Variants in CLNK observed in about 807,000 individuals in gnomAD.
CLNK encodes cytokine dependent hematopoietic cell linker.
In CLNK, 74 loss-of-function variants were observed where a neutral mutation model predicts 68.6. The observed-to-expected ratio is 1.08, with a 90% CI of 0.89 to 1.31. The LOEUF is 1.31. Among genes scored for constraint, CLNK ranks in the 50% most tolerant of loss-of-function variants. CLNK has a pLI of 0.00. For synonymous variants in CLNK, 198 were observed against 172.2 expected (o/e 1.15, Z -1.17); for missense variants, 553 against 515.3 (o/e 1.07, Z -0.71).
the CLNK span, among the ~76,000 whole-genome samples, chr4:10,724,661 G>GT: frequency 2.6e-5 from 4 of 152,176 alleles, no homozygotes; most frequent in African/African-American, 9.7e-5. Flanking sequence ...CAGCTCTTAG[G>GT]AAGAAGAGAG....
intron 2 of CLNK, among the ~76,000 whole-genome samples, chr4:10,613,372 A>C (rs1303114062): frequency 6.6e-6 from 1 of 152,160 alleles, no homozygotes; most frequent in Non-Finnish European, 1.5e-5. Flanking sequence ...GAAAAGTTCA[A>C]AGGCAGGAAT....
chr4:10,584,850 A>G (rs918698178), intron 4 of CLNK, 77 bp downstream of exon 4: 2 of 1,466,760 alleles, frequency 1.4e-6, no homozygotes, highest in African/African-American at 2.8e-5. Flanking sequence ...AATAAAAACA[A>G]AAAAGAATGG....
chr4:10,723,601 G>C, the CLNK span, among the ~76,000 whole-genome samples: 1 of 151,998 alleles, frequency 6.6e-6, no homozygotes, highest in African/African-American at 2.4e-5. Context: ...TGGTATTATG[G>C]GAAATCATTT....
intron 17 of CLNK, among the ~76,000 whole-genome samples, chr4:10,505,749 T>A (rs1045914407): frequency 1.3e-5 from 2 of 152,204 alleles, no homozygotes; most frequent in Non-Finnish European, 2.9e-5. Flanking sequence ...CCCCCCCAGA[T>A]AATGATGCAT....
rs1163922008 is a variant in CLNK at position 10,486,676 on chromosome 4, A to C, written c.*3791T>G. 6.6e-6 allele frequency: 1 copy of C among 152,122 alleles called. No homozygotes were observed. Among genetic ancestry groups the C allele is most frequent in the Admixed American group, 6.6e-5 (1 of 15,244 alleles). The allele number at this position is 152,122 out of a possible 1,614,324, so 9.4% of individuals were successfully genotyped here. A position where few individuals can be genotyped will look rare whatever the true frequency, so the allele number is the denominator to read the frequency against. On this transcript the variant is annotated 3_prime_UTR_variant, in exon 19 of 19. Coordinates refer to ENST00000226951, the MANE Select transcript of CLNK (RefSeq NM_052964.4). Reference sequence around the variant, plus strand: ...GTTACTTAAAAACACACACACACACACGCACACAGGCACAGGCACACACAT... The same window carrying C: ...GTTACTTAAAAACACACACACACACCCGCACACAGGCACAGGCACACACAT...
intron 17 of CLNK, among the ~76,000 whole-genome samples, chr4:10,502,898 G>A (rs558823880): frequency 2.0e-4 from 30 of 152,068 alleles, no homozygotes; most frequent in Non-Finnish European, 5.9e-5. Flanking sequence ...GGTGGAGACT[G>A]AGGGTTTCCA....
intron 8 of CLNK, among the ~76,000 whole-genome samples, chr4:10,548,233 T>G (rs978449023): frequency 2.6e-5 from 4 of 152,208 alleles, no homozygotes; most frequent in Middle Eastern, 3.2e-3. Context: ...GGCTCTGAGT[T>G]GCATTTCCTT....
Position 10,672,460 on chromosome 4 carries a change from A to G in CLNK, c.-42-4549T>C, listed in dbSNP as rs560749834. On this transcript the variant is annotated intron_variant, in intron 1 of 18. Transcript: ENST00000226951. Reference sequence around the variant, plus strand: ...TATGAAGATTACATGAAAAAATACCATATCTAAGACATGGGGGAAATAGTG... The same window carrying G: ...TATGAAGATTACATGAAAAAATACCGTATCTAAGACATGGGGGAAATAGTG... Among the ~76,000 whole-genome samples the G allele has an allele frequency of 8.7e-4, 132 of 152,298 alleles. 2 individuals carry two copies. In the South Asian group the frequency reaches 0.025, roughly 29 times the overall value.
intron 7 of CLNK, among the ~76,000 whole-genome samples, chr4:10,559,270 T>C (rs571482453): frequency 5.3e-5 from 8 of 152,218 alleles, no homozygotes; most frequent in Non-Finnish European, 5.9e-5. Context: ...CAGGGGCCCA[T>C]TGAATCCCCC....
At chr4:10,537,231 A>G (rs572015283) in intron 11 of CLNK, among the ~76,000 whole-genome samples, 7 of 152,194 alleles carry the variant, frequency 4.6e-5, no homozygotes, top group Non-Finnish European at 1.0e-4. Context: ...TAATCCCAGC[A>G]CTTTGGGAGG....
intron 2 of CLNK, among the ~76,000 whole-genome samples, chr4:10,658,556 C>T (rs1203812225): frequency 6.6e-6 from 1 of 152,198 alleles, no homozygotes; most frequent in Non-Finnish European, 1.5e-5. Flanking sequence ...GACTGGATCC[C>T]TGGTTCTCAA....
intron 7 of CLNK, among the ~76,000 whole-genome samples, chr4:10,559,663 C>G (rs1362822374): frequency 1.3e-5 from 2 of 152,234 alleles, no homozygotes; most frequent in South Asian, 4.1e-4. Context: ...TAGGATGGGG[C>G]TCCAAGTAGT....
At chr4:10,537,680 TTCC>T (rs1296040966) in intron 11 of CLNK, among the ~76,000 whole-genome samples, 3 of 50,778 alleles carry the variant, frequency 5.9e-5, no homozygotes, top group African/African-American at 7.9e-5. Flanking sequence ...TCTTTCTTTC[TTCC>T]TTCCTTCCTT....
At chr4:10,546,608 G>C (rs6844309) in intron 8 of CLNK, among the ~76,000 whole-genome samples, 6,093 of 152,048 alleles carry the variant, frequency 0.04, 312 homozygotes, top group East Asian at 0.13. Context: ...CTAAGCTTTC[G>C]CCAGAATTTA....
the CLNK span, among the ~76,000 whole-genome samples, chr4:10,709,310 G>A: frequency 6.6e-6 from 1 of 152,176 alleles, no homozygotes; most frequent in Non-Finnish European, 1.5e-5. Flanking sequence ...AAGTGTTCAA[G>A]GGCCAAACGT....
intron 16 of CLNK, among the ~76,000 whole-genome samples, chr4:10,510,523 C>T (rs1454768201): frequency 1.3e-5 from 2 of 152,184 alleles, no homozygotes; most frequent in African/African-American, 2.4e-5. Flanking sequence ...TGGACTTCCT[C>T]CTCTGCCAGG....
chr4:10,615,907 C>T (rs1225892720), intron 2 of CLNK, among the ~76,000 whole-genome samples: 1 of 152,162 alleles, frequency 6.6e-6, no homozygotes, highest in Non-Finnish European at 1.5e-5. Flanking sequence ...AGAAGAAGAG[C>T]AGAGGGAATA....
chr4:10,642,490 G>T (rs1723346349), intron 2 of CLNK, among the ~76,000 whole-genome samples: 1 of 152,126 alleles, frequency 6.6e-6, no homozygotes, highest in Non-Finnish European at 1.5e-5. Context: ...GTCTTTCTAG[G>T]CAGAGTGGAC....
At chr4:10,679,247 C>G (rs940507193) in intron 1 of CLNK, among the ~76,000 whole-genome samples, 3 of 151,966 alleles carry the variant, frequency 2.0e-5, no homozygotes, top group Non-Finnish European at 2.9e-5. Context: ...ACAAACCTGA[C>G]AAAAACAAGA....
Sources: gnomAD v4.1 joint callset for allele counts (sites outside exome capture counted in the v4.1 genomes callset) on GRCh38, gnomAD v4.1.1 for gene constraint, MANE v1.5 for transcripts, NCBI Gene and HGNC (gene_info 2026-07-23, HGNC 2026-07-21) for gene names.